RBFOX3: variants seen among roughly 807,000 people sequenced by gnomAD.
The protein encoded by RBFOX3 is RNA binding protein fox-1 homolog 3.
Under a neutral mutation model 48.7 loss-of-function variants are expected in RBFOX3, and 17 were observed. The observed-to-expected ratio is 0.35, with a 90% CI of 0.24 to 0.52. The LOEUF is 0.52. Ranked by LOEUF, RBFOX3 falls within the 20% of genes least tolerant of loss-of-function variation. The pLI, the probability that RBFOX3 is intolerant of heterozygous loss-of-function variation, is 0.94. For synonymous variants in RBFOX3, 212 were observed against 209.5 expected, an observed-to-expected ratio of 1.01 and a Z score of -0.10; for missense variants, 382 against 497.5, an observed-to-expected ratio of 0.77 and a Z score of 2.21.
intron 2 of RBFOX3, among the ~76,000 whole-genome samples, chr17:79,410,878 C>T (rs1443407162): frequency 6.6e-6 from 1 of 152,188 alleles, no homozygotes; most frequent in Non-Finnish European, 1.5e-5. Context: ...CAGCTGCTCA[C>T]CTGTGGCACC....
At position 79,249,471 on chromosome 17, in the gene RBFOX3, C is replaced by T. The variant is rs2063622984; in HGVS notation, c.-73-13666G>A. Reference sequence around the variant, plus strand: ...CAAAGTAGCAGATTCCGAGAGGCAGCAAACAACGGGCTTGGGGTGTGCTTT... The same window carrying T: ...CAAAGTAGCAGATTCCGAGAGGCAGTAAACAACGGGCTTGGGGTGTGCTTT... On this transcript the variant is annotated intron_variant, in intron 3 of 14. Transcript: ENST00000693108. This position sits in a 1 kb window ranked among gnomAD's most constrained non-coding sequence, Gnocchi z 4.1. Among the ~76,000 whole-genome samples, 1 of 152,078 alleles carries T rather than the reference C, an allele frequency of 6.6e-6. No homozygotes were observed. The highest frequency in any genetic ancestry group is 2.4e-5 in the African/African-American group (1 of 41,392).
At chr17:79,271,531 G>T (rs11650784) in intron 3 of RBFOX3, among the ~76,000 whole-genome samples, 94,934 of 151,956 alleles carry the variant, frequency 0.62, 30,069 homozygotes, top group East Asian at 0.8. Flanking sequence ...TTTCTCCCAG[G>T]ATCAGGTCCC....
In RBFOX3 at chr17:79,406,622, C is replaced by T. The variant is rs187394754; in HGVS notation, c.-175+75832G>A. Among the ~76,000 whole-genome samples, 31 of 152,304 alleles carry T rather than the reference C, an allele frequency of 2.0e-4. No individual in the cohort carries two copies. In the South Asian group the frequency reaches 3.3e-3, roughly 16 times the overall value. On this transcript the variant is annotated intron_variant, in intron 2 of 14. Transcript: ENST00000693108. The stretch of plus-strand genomic sequence containing the variant: ...AAACGGTGCCCTCCATTTCCTTTCA[C>T]GCCTGTAAATGTGACGCGGCGCTGA...
At chr17:79,593,131 C>T (rs1055098953) in intron 1 of RBFOX3, among the ~76,000 whole-genome samples, 6 of 152,120 alleles carry the variant, frequency 3.9e-5, no homozygotes, top group African/African-American at 1.4e-4. Flanking sequence ...GAAGAAACCC[C>T]TAAGAGAGGA....
At chr17:79,417,406 G>A (rs1238154323) in intron 2 of RBFOX3, among the ~76,000 whole-genome samples, 3 of 152,196 alleles carry the variant, frequency 2.0e-5, no homozygotes, top group African/African-American at 7.2e-5. Flanking sequence ...CTTCCAGAGA[G>A]CACCAGCGGC....
intron 4 of RBFOX3, among the ~76,000 whole-genome samples, chr17:79,133,230 G>A (rs114443111): frequency 0.014 from 2,075 of 152,294 alleles, 50 homozygotes; most frequent in African/African-American, 0.048. Flanking sequence ...GAAGACAGAG[G>A]AGGCTGCAGG....
In RBFOX3 at chr17:79,115,757, G is replaced by A. The variant is rs1433670483; in HGVS notation, c.-33-9C>T. ...GTGGCGTCCTGATCGCTCTGTGGAA[G>A]GAGAGAGAGCAAGGCCTGGTTAGAA... On this transcript the variant is annotated splice_polypyrimidine_tract_variant and intron_variant, in intron 4 of 14. Coordinates refer to ENST00000693108, the MANE Select transcript of RBFOX3 (RefSeq NM_001350451.2). 2 of 685,506 alleles carry A rather than the reference G, an allele frequency of 2.9e-6. No homozygotes were observed. The highest frequency in any genetic ancestry group is 5.1e-6 in the Non-Finnish European group (2 of 388,636). The allele number at this position is 685,506 out of a possible 1,614,324, so 42.5% of individuals were successfully genotyped here. A position where few individuals can be genotyped will look rare whatever the true frequency, so the allele number is the denominator to read the frequency against.
At chr17:79,185,014 C>T (rs1599863277) in intron 4 of RBFOX3, among the ~76,000 whole-genome samples, 1 of 152,226 alleles carries the variant, frequency 6.6e-6, no homozygotes, top group African/African-American at 2.4e-5. Context: ...GAAGGGTGGC[C>T]TCTCCACGCC....
At chr17:79,260,024 T>C (rs967376816) in intron 3 of RBFOX3, among the ~76,000 whole-genome samples, 1 of 151,542 alleles carries the variant, frequency 6.6e-6, no homozygotes, top group Non-Finnish European at 1.5e-5. Context: ...GTGAGGACCA[T>C]GGGAGATGGT....
chr17:79,429,770 C>A (rs1433693973), intron 2 of RBFOX3, among the ~76,000 whole-genome samples: 1 of 152,142 alleles, frequency 6.6e-6, no homozygotes, highest in African/African-American at 2.4e-5. Flanking sequence ...TGAGTGAGAT[C>A]CAGGATCTGA....
chr17:79,600,341 T>G (rs2093677330), intron 1 of RBFOX3: 1 of 152,088 alleles, frequency 6.6e-6, no homozygotes, highest in African/African-American at 2.4e-5. Flanking sequence ...GTGTGCACAC[T>G]CTACACACAG....
rs1325642684 is a variant in RBFOX3 at position 79,473,779 on chromosome 17, AAG to A, written c.-175+8673_-175+8674del. Among the ~76,000 whole-genome samples, 3 of 152,084 alleles carry A rather than the reference AAG, an allele frequency of 2.0e-5. No homozygotes were observed. Among genetic ancestry groups the A allele is most frequent in the South Asian group, 2.1e-4 (1 of 4,816 alleles). On this transcript the variant is annotated intron_variant, in intron 2 of 14. Transcript: ENST00000693108. The surrounding 1 kb of genome is among the most constrained non-coding windows in gnomAD (Gnocchi z 4.2). Reference sequence around the variant, plus strand: ...TCTCCCCTCCCACCCCAAAGGAAAAAAGAAAAATTATTCTGTTCCGCCTCCAT... The same window carrying A: ...TCTCCCCTCCCACCCCAAAGGAAAAAAAAAATTATTCTGTTCCGCCTCCAT...
At chr17:79,644,471 GC>G in the RBFOX3 span, among the ~76,000 whole-genome samples, 1 of 152,024 alleles carries the variant, frequency 6.6e-6, no homozygotes, top group African/African-American at 2.4e-5. Context: ...TTTTATCTCA[GC>G]AATGCAAGGT....
chr17:79,109,359 C>T (rs903533920), intron 5 of RBFOX3, among the ~76,000 whole-genome samples: 10 of 152,208 alleles, frequency 6.6e-5, no homozygotes, highest in Non-Finnish European at 2.9e-5. Context: ...GTCTGGCTGG[C>T]ATCACGTCCC....
In RBFOX3 at chr17:79,214,467, G is replaced by A. The variant is rs1374374768; in HGVS notation, c.-34+21299C>T. Among the ~76,000 whole-genome samples the A allele has an allele frequency of 6.6e-6, 1 of 152,070 alleles. No homozygotes were observed. The highest frequency in any genetic ancestry group is 2.4e-5 in the African/African-American group (1 of 41,414). On this transcript the variant is annotated intron_variant, in intron 4 of 14. Transcript: ENST00000693108. This position sits in a 1 kb window ranked among gnomAD's most constrained non-coding sequence, Gnocchi z 4.7. Reference sequence around the variant, plus strand: ...CAAAGCCCTTTGGATCAGTGTGACTGGGAGGACGCTGCTGCCCACCCTGGC... The same window carrying A: ...CAAAGCCCTTTGGATCAGTGTGACTAGGAGGACGCTGCTGCCCACCCTGGC...
intron 1 of RBFOX3, among the ~76,000 whole-genome samples, chr17:79,608,018 G>A (rs2093874076): frequency 6.6e-6 from 1 of 152,144 alleles, no homozygotes; most frequent in African/African-American, 2.4e-5. Flanking sequence ...AATGAGCCTC[G>A]GGAGCCCTCC....
chr17:79,201,912 G>C (rs28552933), intron 4 of RBFOX3, among the ~76,000 whole-genome samples: 6,734 of 152,220 alleles, frequency 0.044, 457 homozygotes, highest in African/African-American at 0.14. Context: ...CTCTCTCTGC[G>C]TCTCCGCCCC....
chr17:79,163,257 G>A (rs2047328092), intron 4 of RBFOX3, among the ~76,000 whole-genome samples: 1 of 152,222 alleles, frequency 6.6e-6, no homozygotes, highest in African/African-American at 2.4e-5. Context: ...AAGTGTCACA[G>A]AGGAGGCAAC....
chr17:79,624,498 G>T, the RBFOX3 span, among the ~76,000 whole-genome samples: 2 of 152,176 alleles, frequency 1.3e-5, no homozygotes, highest in African/African-American at 2.4e-5. Flanking sequence ...CAGGGGGTTT[G>T]GTGGAATCTG....
Sources: gnomAD v4.1 joint callset for allele counts (sites outside exome capture counted in the v4.1 genomes callset) on GRCh38, gnomAD v4.1.1 for gene constraint, Gnocchi (gnomAD v3.1) non-coding constraint, MANE v1.5 for transcripts, NCBI Gene and HGNC (gene_info 2026-07-23, HGNC 2026-07-21) for gene names.